TBC1D15: variants seen among roughly 807,000 people sequenced by gnomAD.
The protein encoded by TBC1D15 is GAP for RAB7.
In TBC1D15, 39 loss-of-function variants were observed where a neutral mutation model predicts 95.4. The observed-to-expected ratio is 0.41, with a 90% CI of 0.32 to 0.53. The LOEUF (loss-of-function observed/expected upper bound fraction) is 0.53. Among genes scored for constraint, TBC1D15 ranks in the 20% least tolerant of loss-of-function variants. The pLI, the probability that TBC1D15 is intolerant of heterozygous loss-of-function variation, is 0.29. For synonymous variants in TBC1D15, 258 were observed against 261.3 expected (o/e 0.99, Z 0.12); for missense variants, 733 against 794.3 (o/e 0.92, Z 0.93).
chr12:71,885,055 C>A, intron 5 of TBC1D15, 34 bp downstream of exon 5: 1 of 1,600,004 alleles, frequency 6.2e-7, no homozygotes, highest in South Asian at 1.1e-5. Context: ...TTATTGAAAC[C>A]AGATCATTGT....
At chr12:71,907,638 G>C (rs1901065840) in intron 11 of TBC1D15, 1 of 152,212 alleles carries the variant, frequency 6.6e-6, no homozygotes, top group Non-Finnish European at 1.5e-5. Flanking sequence ...TGACCTAACT[G>C]CTTAATAAAT....
At chr12:71,859,778 C>A (rs1398726112) in intron 1 of TBC1D15, among the ~76,000 whole-genome samples, 1 of 151,728 alleles carries the variant, frequency 6.6e-6, no homozygotes, top group African/African-American at 2.4e-5. Context: ...CAGCTGATTT[C>A]TTTTGTATTT....
chr12:71,868,147 G>T (rs1592725084), intron 1 of TBC1D15, among the ~76,000 whole-genome samples: 1 of 151,904 alleles, frequency 6.6e-6, no homozygotes, highest in African/African-American at 2.4e-5. Context: ...TATAAATGTG[G>T]TTTGGAATTA....
chr12:71,912,598 A>G (rs1338729922), intron 11 of TBC1D15, among the ~76,000 whole-genome samples: 1 of 152,110 alleles, frequency 6.6e-6, no homozygotes, highest in Non-Finnish European at 1.5e-5. Flanking sequence ...ATCATTTTTT[A>G]AAGTTTTCCT....
intron 1 of TBC1D15, among the ~76,000 whole-genome samples, chr12:71,855,284 T>A (rs1480901623): frequency 6.6e-6 from 1 of 152,014 alleles, no homozygotes; most frequent in Admixed American, 6.6e-5. Flanking sequence ...CAATTTGAGA[T>A]GAGATTTGGG....
intron 1 of TBC1D15, among the ~76,000 whole-genome samples, chr12:71,859,123 G>A (rs1889810761): frequency 6.6e-6 from 1 of 151,894 alleles, no homozygotes; most frequent in South Asian, 2.1e-4. Flanking sequence ...TTAGCCATTT[G>A]TATGTTTTTT....
At chr12:71,872,268 T>C in intron 2 of TBC1D15, 100 bp downstream of exon 2, 1 of 599,496 alleles carries the variant, frequency 1.7e-6, no homozygotes, top group Non-Finnish European at 2.7e-6. Context: ...TAAGATACAA[T>C]TATGTAATTG....
chr12:71,910,925 A>G (rs1178800254), intron 11 of TBC1D15, among the ~76,000 whole-genome samples: 1 of 152,224 alleles, frequency 6.6e-6, no homozygotes, highest in Non-Finnish European at 1.5e-5. Context: ...ACAAATTTAC[A>G]AGAAAAAACA....
At chr12:71,880,969 A>C (rs897380810) in intron 4 of TBC1D15, among the ~76,000 whole-genome samples, 7 of 152,224 alleles carry the variant, frequency 4.6e-5, no homozygotes, top group Non-Finnish European at 8.8e-5. Context: ...CCACTAAATC[A>C]TACCATTCTA....
At chr12:71,919,145 G>A (rs1157334561) in intron 14 of TBC1D15, among the ~76,000 whole-genome samples, 1 of 149,368 alleles carries the variant, frequency 6.7e-6, no homozygotes, top group African/African-American at 2.5e-5. Context: ...AACCTTTAAT[G>A]AAAAACCAAA....
intron 5 of TBC1D15, among the ~76,000 whole-genome samples, chr12:71,887,644 A>G (rs1418171195): frequency 1.3e-5 from 2 of 152,010 alleles, no homozygotes; most frequent in East Asian, 3.9e-4. Context: ...ATTTAATGTC[A>G]CTTCCTCAGA....
intron 5 of TBC1D15, 43 bp downstream of exon 5, chr12:71,885,064 G>C: frequency 6.3e-7 from 1 of 1,591,490 alleles, no homozygotes; most frequent in South Asian, 1.1e-5. Context: ...CCAGATCATT[G>C]TATTAATCCC....
rs779771958 is a variant in TBC1D15, at chr12:71,913,888, G to C, written c.1363G>C (p.Asp455His). ...TTTATATGTGATGGAAAATGAAGTG[G>C]ATGCCTTTTGGTGCTTTGCCTCTTA... ...PLLYVMENEVDAFWCFASYMD... is the reference protein window; with the variant it reads ...PLLYVMENEVHAFWCFASYMD... Residue 455 changes from aspartate (D) to histidine (H), a missense_variant, in exon 12 of 17, where the codon GAT becomes CAT. By Grantham distance (81) the Asp-to-His change is moderately conservative. Coordinates refer to ENST00000485960, the MANE Select transcript of TBC1D15 (RefSeq NM_001146213.3). The C allele has an allele frequency of 1.3e-6, 2 of 1,596,386 alleles. No homozygotes were observed. Among genetic ancestry groups the C allele is most frequent in the Admixed American group, 1.8e-5 (1 of 55,974 alleles).
intron 1 of TBC1D15, among the ~76,000 whole-genome samples, chr12:71,847,517 A>C (rs183979055): frequency 3.9e-4 from 59 of 151,930 alleles, no homozygotes; most frequent in Middle Eastern, 3.4e-3. Context: ...CAACATAGTG[A>C]AACCTTGTCT....
At chr12:71,917,101 G>A (rs1017857741) in intron 12 of TBC1D15, among the ~76,000 whole-genome samples, 2 of 151,824 alleles carry the variant, frequency 1.3e-5, no homozygotes, top group African/African-American at 4.8e-5. Context: ...AAAAATGTCT[G>A]GTTTAATAGA....
intron 13 of TBC1D15, 145 bp from the exon 14 acceptor site, chr12:71,918,306 G>T: frequency 1.9e-6 from 1 of 519,416 alleles, no homozygotes; most frequent in Non-Finnish European, 3.4e-6. Context: ...CAGCCTTCAA[G>T]TTTGAAATGA....
In TBC1D15 at chr12:71,921,461, A is replaced by AGCT; in HGVS notation, c.1803+8_1803+9insCTG. The AGCT allele has an allele frequency of 6.9e-7, 1 of 1,444,096 alleles. No homozygotes were observed. The highest frequency in any genetic ancestry group is 1.6e-5 in the South Asian group (1 of 64,200). 89.5% of individuals were successfully genotyped at this position (1,444,096 alleles called of 1,614,324 possible). A position where few individuals can be genotyped will look rare whatever the true frequency, so the allele number is the denominator to read the frequency against. On this transcript the variant is annotated splice_region_variant and intron_variant, in intron 16 of 16. Transcript: ENST00000485960. ...ACAGATGGTAAAATGCAAGGTATACAGTGTTTCAAGTAATTGCAAGATTTG... is the reference window on the plus strand; with the variant it reads ...ACAGATGGTAAAATGCAAGGTATACAGCTGTGTTTCAAGTAATTGCAAGATTTG...
At chr12:71,856,210 G>A (rs1477889819) in intron 1 of TBC1D15, among the ~76,000 whole-genome samples, 1 of 152,130 alleles carries the variant, frequency 6.6e-6, no homozygotes, top group East Asian at 1.9e-4. Flanking sequence ...CATATAATTT[G>A]TTCCCTTGTA....
At chr12:71,884,512 C>T (rs566449843) in intron 4 of TBC1D15, among the ~76,000 whole-genome samples, 1 of 152,190 alleles carries the variant, frequency 6.6e-6, no homozygotes, top group African/African-American at 2.4e-5. Context: ...GGTAGTGCTG[C>T]AATATGAATC....
Sources: gnomAD v4.1 joint callset for allele counts (sites outside exome capture counted in the v4.1 genomes callset) on GRCh38, gnomAD v4.1.1 for gene constraint, MANE v1.5 for transcripts, NCBI Gene and HGNC (gene_info 2026-07-23, HGNC 2026-07-21) for gene names.